Variants in DPH6 observed in about 807,000 individuals in gnomAD.
DPH6 encodes diphthine--ammonia ligase.
In DPH6, 33 loss-of-function variants were observed where a neutral mutation model predicts 38.2. The observed-to-expected ratio is 0.86, with a 90% CI of 0.65 to 1.15. The LOEUF (loss-of-function observed/expected upper bound fraction) is 1.15, where lower values mean the gene tolerates loss of function less well. Among genes scored for constraint, DPH6 ranks in the 50% most tolerant of loss-of-function variants. The pLI, the probability that DPH6 is intolerant of heterozygous loss-of-function variation, is 0.00. For missense variants in DPH6, 325 were observed against 320.0 expected (o/e 1.02, Z -0.12); for synonymous variants, 108 against 103.0 (o/e 1.05, Z -0.30).
chr15:35,452,201 T>C (rs1458248960), intron 4 of DPH6, among the ~76,000 whole-genome samples: 1 of 152,176 alleles, frequency 6.6e-6, no homozygotes, highest in Non-Finnish European at 1.5e-5. Context: ...CCTATTACAC[T>C]AGTTTCGTGC....
chr15:35,327,311 T>C (rs2052290568), downstream of DPH6, among the ~76,000 whole-genome samples: 1 of 151,828 alleles, frequency 6.6e-6, no homozygotes, highest in East Asian at 1.9e-4. Flanking sequence ...CCAAAAGTAC[T>C]GACTAAAATT....
chr15:35,233,747 T>G (rs1057206027), intron 3 of DPH6, among the ~76,000 whole-genome samples: 3 of 152,106 alleles, frequency 2.0e-5, no homozygotes, highest in African/African-American at 7.2e-5. Flanking sequence ...CCCTCATCAC[T>G]CTCCACACTC....
At chr15:35,351,538 T>C (rs948540162) in intron 3 of DPH6, among the ~76,000 whole-genome samples, 3 of 152,194 alleles carry the variant, frequency 2.0e-5, no homozygotes, top group Admixed American at 2.0e-4. Flanking sequence ...TGTGCTTTTA[T>C]TATTTTCTAT....
intron 3 of DPH6, among the ~76,000 whole-genome samples, chr15:35,507,189 G>A (rs946315829): frequency 3.6e-4 from 55 of 151,740 alleles, no homozygotes; most frequent in Admixed American, 2.6e-4. Context: ...AGCTATTAAC[G>A]ATGTCAAATA....
intron 3 of DPH6, among the ~76,000 whole-genome samples, chr15:35,319,582 A>C (rs2052222358): frequency 1.3e-5 from 2 of 152,036 alleles, no homozygotes; most frequent in Non-Finnish European, 2.9e-5. Context: ...CTCCACTAAA[A>C]ATACAAAAAT....
Position 35,348,852 on chromosome 15 carries a change from C to T in DPH6, n.208-17775G>A, listed in dbSNP as rs79372160. On this transcript the variant is annotated intron_variant and non_coding_transcript_variant, in intron 3 of 3. Transcript: ENST00000558973. ...AATGTTTTAGAATTCTCAGTGTATA[C>T]GTTTTTTTCCTCCTGGAGCAACTAT... is the stretch of plus-strand genomic sequence containing the variant. Among the ~76,000 whole-genome samples the T allele has an allele frequency of 7.0e-3, 1,064 of 152,060 alleles. 22 individuals are homozygous for T. The highest frequency in any genetic ancestry group is 0.053 in the East Asian group (272 of 5,158).
intron 7 of DPH6, among the ~76,000 whole-genome samples, chr15:35,379,082 T>C (rs913885026): frequency 2.6e-5 from 4 of 152,200 alleles, no homozygotes; most frequent in Admixed American, 6.5e-5. Flanking sequence ...TGTAGAAGCT[T>C]CCCACATTTC....
At chr15:35,501,948 GGTA>G (rs1420483553) in intron 3 of DPH6, among the ~76,000 whole-genome samples, 3 of 152,058 alleles carry the variant, frequency 2.0e-5, no homozygotes, top group Non-Finnish European at 2.9e-5. Flanking sequence ...TTATCACCTA[GGTA>G]GTAGATGTTA....
chr15:35,410,937 T>C (rs535039042), intron 5 of DPH6, 41 bp from the exon 6 acceptor site: 16 of 1,570,316 alleles, frequency 1.0e-5, no homozygotes, highest in African/African-American at 4.1e-5. Context: ...AACTATCAGA[T>C]AGGAACTTTA....
chr15:35,538,838 T>C (rs554405646), intron 2 of DPH6, among the ~76,000 whole-genome samples: 1 of 152,262 alleles, frequency 6.6e-6, no homozygotes, highest in South Asian at 2.1e-4. Flanking sequence ...TTCAAGGTTA[T>C]TCATGAAGTC....
chr15:35,269,685 G>A (rs1293302295), intron 3 of DPH6, among the ~76,000 whole-genome samples: 5 of 150,564 alleles, frequency 3.3e-5, no homozygotes, highest in Non-Finnish European at 5.9e-5. Flanking sequence ...TGATCCGCCC[G>A]CCTCGGCCTC....
intron 3 of DPH6, among the ~76,000 whole-genome samples, chr15:35,473,374 T>C (rs2054221021): frequency 6.6e-6 from 1 of 152,206 alleles, no homozygotes; most frequent in East Asian, 1.9e-4. Context: ...TCCACATCAT[T>C]CAATTATGTG....
At chr15:35,466,343 G>A (rs1478381387) in intron 3 of DPH6, among the ~76,000 whole-genome samples, 1 of 152,102 alleles carries the variant, frequency 6.6e-6, no homozygotes, top group Non-Finnish European at 1.5e-5. Flanking sequence ...TCTCCTAATT[G>A]CTTATTGGGA....
At chr15:35,364,755 TA>T (rs1256379553) in intron 3 of DPH6, among the ~76,000 whole-genome samples, 6 of 152,030 alleles carry the variant, frequency 3.9e-5, no homozygotes, top group African/African-American at 1.4e-4. Context: ...CCTGAATATC[TA>T]CTTTTATTTT....
intron 3 of DPH6, among the ~76,000 whole-genome samples, chr15:35,264,207 T>C (rs937586292): frequency 2.6e-5 from 4 of 152,156 alleles, no homozygotes; most frequent in Non-Finnish European, 5.9e-5. Flanking sequence ...CTATCTTGGA[T>C]GCTTTATTAA....
At chr15:35,310,184 C>T (rs2052128844) in intron 3 of DPH6, among the ~76,000 whole-genome samples, 1 of 152,166 alleles carries the variant, frequency 6.6e-6, no homozygotes, top group Admixed American at 6.5e-5. Context: ...AATGGATATT[C>T]TTTAGGGACA....
chr15:35,311,313 A>G (rs2052140115), intron 3 of DPH6, among the ~76,000 whole-genome samples: 1 of 152,214 alleles, frequency 6.6e-6, no homozygotes, highest in Admixed American at 6.5e-5. Flanking sequence ...GATTTCAATC[A>G]CATCTTGGCA....
downstream of DPH6, among the ~76,000 whole-genome samples, chr15:35,366,662 T>C (rs548720030): frequency 1.1e-4 from 16 of 151,998 alleles, no homozygotes; most frequent in Admixed American, 9.2e-4. Context: ...CATACATAAA[T>C]AAACATATAA....
intron 6 of DPH6, among the ~76,000 whole-genome samples, chr15:35,387,343 A>G (rs1040107441): frequency 6.6e-6 from 1 of 152,152 alleles, no homozygotes; most frequent in African/African-American, 2.4e-5. Flanking sequence ...TTGGTTCCAT[A>G]TAAACTTTAA....
Sources: gnomAD v4.1 joint callset for allele counts (sites outside exome capture counted in the v4.1 genomes callset) on GRCh38, gnomAD v4.1.1 for gene constraint, MANE v1.5 for transcripts, NCBI Gene and HGNC (gene_info 2026-07-23, HGNC 2026-07-21) for gene names.